The following ARID4A variants were observed in gnomAD, a reference collection of about 807,000 sequenced individuals.
ARID4A encodes AT-rich interaction domain 4A.
Under a neutral mutation model 148.6 loss-of-function variants are expected in ARID4A, and 39 were observed. That is an observed-to-expected ratio of 0.26 (90% CI 0.20 to 0.34). The LOEUF (loss-of-function observed/expected upper bound fraction) is 0.34. Ranked by LOEUF, ARID4A falls within the 10% of genes least tolerant of loss-of-function variation. The pLI is 1.00. For missense variants in ARID4A, 1,265 were observed against 1,449.1 expected (o/e 0.87, Z 2.06); for synonymous variants, 475 against 481.2 (o/e 0.99, Z 0.17).
At chr14:58,306,245 T>C in intron 5 of ARID4A, 133 bp downstream of exon 5, 1 of 603,752 alleles carries the variant, frequency 1.7e-6, no homozygotes. Flanking sequence ...TATAGCTGAC[T>C]AAAATTCTAA....
At chr14:58,305,917 T>C (rs954944746) in intron 4 of ARID4A, 105 bp from the exon 5 acceptor site, 2 of 773,052 alleles carry the variant, frequency 2.6e-6, no homozygotes, top group Non-Finnish European at 4.5e-6. Context: ...GATAGAATTA[T>C]CATAAGTATG....
At chr14:58,362,767 A>G (rs991468874) in intron 19 of ARID4A, among the ~76,000 whole-genome samples, 2 of 152,066 alleles carry the variant, frequency 1.3e-5, no homozygotes, top group African/African-American at 2.4e-5. Context: ...TATGTTAGCC[A>G]CGCTGGTCTC....
chr14:58,347,394 A>T (rs966592534), intron 14 of ARID4A, among the ~76,000 whole-genome samples: 1 of 152,164 alleles, frequency 6.6e-6, no homozygotes, highest in African/African-American at 2.4e-5. Context: ...TTTGGGGTGA[A>T]CAGCCTTCAT....
intron 8 of ARID4A, among the ~76,000 whole-genome samples, chr14:58,323,891 GTTCCCTTTTTT>G (rs1356735062): frequency 7.4e-6 from 1 of 135,338 alleles, no homozygotes; most frequent in Non-Finnish European, 1.6e-5. Flanking sequence ...ATTACCTTAG[GTTCCCTTTTTT>G]TTTTTTTTTT....
At position 58,359,959 on chromosome 14, in the gene ARID4A, G is replaced by A. The variant is rs367652848; in HGVS notation, c.1938+743G>A. On this transcript the variant is annotated intron_variant, in intron 18 of 23. Coordinates refer to ENST00000355431, the MANE Select transcript of ARID4A (RefSeq NM_002892.4). Reference sequence around the variant, plus strand: ...CCGGCGCCTGTAGTCCCAGCTACTCGGGAGGCTGAGGCAGGAGAATGGCGT... The same window carrying A: ...CCGGCGCCTGTAGTCCCAGCTACTCAGGAGGCTGAGGCAGGAGAATGGCGT... Among the ~76,000 whole-genome samples the A allele has an allele frequency of 5.6e-4, 85 of 152,180 alleles. 2 individuals are homozygous for A. In the East Asian group the frequency reaches 0.015, roughly 27 times the overall value.
chr14:58,371,899 A>G lies in ARID4A; in HGVS notation c.3684A>G (p.Gly1228=). The G allele has an allele frequency of 6.2e-7, 1 of 1,613,058 alleles. No individual in the cohort carries two copies. The highest frequency in any genetic ancestry group is 1.1e-5 in the South Asian group (1 of 90,978). ...KKKDREVSHA[G]ASMSSASSDT... Reference sequence around the variant, plus strand: ...TTGATTCCACAGTGTCTCATGCGGGAGCCTCCATGTCATCTGCTTCATCAG... The same window carrying G: ...TTGATTCCACAGTGTCTCATGCGGGGGCCTCCATGTCATCTGCTTCATCAG... The change falls in exon 24 of 24, where the codon GGA becomes GGG. Residue 1228 remains glycine, a synonymous_variant. Coordinates refer to ENST00000355431, the MANE Select transcript of ARID4A (RefSeq NM_002892.4).
intron 7 of ARID4A, among the ~76,000 whole-genome samples, chr14:58,322,268 C>A (rs2032940899): frequency 6.6e-6 from 1 of 151,980 alleles, no homozygotes; most frequent in African/African-American, 2.4e-5. Context: ...CTGCACCCAG[C>A]CGATAATGTA....
intron 22 of ARID4A, 96 bp from the exon 23 acceptor site, chr14:58,366,787 T>G: frequency 1.0e-6 from 1 of 967,476 alleles, no homozygotes; most frequent in Non-Finnish European, 1.5e-6. Context: ...AACTAAAGCT[T>G]TTGTTGATTT....
chr14:58,366,287 A>C lies in ARID4A; in HGVS notation c.3523+57A>C, dbSNP rs547192661. The C allele has an allele frequency of 5.2e-4, 666 of 1,286,848 alleles. 5 individuals are homozygous for C. The South Asian group carries it at 6.3e-3, about 12-fold the overall frequency. The allele number at this position is 1,286,848 out of a possible 1,614,324, so 79.7% of individuals were successfully genotyped here. Reference sequence around the variant, plus strand: ...ATACTGTAAAGTGGAATAGATCTTAAAATATCAACTTGGATTAATGTTAAT... The same window carrying C: ...ATACTGTAAAGTGGAATAGATCTTACAATATCAACTTGGATTAATGTTAAT... On this transcript the variant is annotated intron_variant, in intron 22 of 23. Coordinates refer to ENST00000355431, the MANE Select transcript of ARID4A (RefSeq NM_002892.4).
At chr14:58,350,380 T>A (rs756643434) in intron 15 of ARID4A, among the ~76,000 whole-genome samples, 9 of 152,150 alleles carry the variant, frequency 5.9e-5, no homozygotes, top group Non-Finnish European at 1.3e-4. Context: ...TCTGCCAGTG[T>A]ATAGAAGTTG....
chr14:58,354,413 G>C (rs1292590046), intron 17 of ARID4A, among the ~76,000 whole-genome samples: 1 of 152,064 alleles, frequency 6.6e-6, no homozygotes. Context: ...CAGGGCATGG[G>C]GGCTCTTGCA....
rs1289835925 is a variant in ARID4A at position 58,372,159 on chromosome 14, C to CA, written c.*176dup. 4 of 524,158 alleles carry CA rather than the reference C, an allele frequency of 7.6e-6. No homozygotes were observed. The highest frequency in any genetic ancestry group is 5.8e-5 in the African/African-American group (3 of 51,848). 32.5% of individuals were successfully genotyped at this position (524,158 alleles called of 1,614,324 possible). ...CCCTCTCTCTTCTTTTTTCTTGTTGCAAAAAATAAGCTGATTAATAAGTGA... is the reference window on the plus strand; with the variant it reads ...CCCTCTCTCTTCTTTTTTCTTGTTGCAAAAAAATAAGCTGATTAATAAGTGA... On this transcript the variant is annotated 3_prime_UTR_variant, in exon 24 of 24. Transcript: ENST00000355431.
At chr14:58,358,395 A>G (rs1322724175) in intron 17 of ARID4A, among the ~76,000 whole-genome samples, 1 of 152,188 alleles carries the variant, frequency 6.6e-6, no homozygotes, top group Admixed American at 6.5e-5. Flanking sequence ...TGAACCCAGG[A>G]GGCAGAGGTT....
At chr14:58,353,259 A>G (rs1447668068) in intron 16 of ARID4A, among the ~76,000 whole-genome samples, 3 of 152,196 alleles carry the variant, frequency 2.0e-5, no homozygotes, top group Non-Finnish European at 4.4e-5. Flanking sequence ...GAATTTTTTC[A>G]GAGCATATTT....
At chr14:58,334,604 C>T (rs1316511538) in intron 11 of ARID4A, among the ~76,000 whole-genome samples, 1 of 152,182 alleles carries the variant, frequency 6.6e-6, no homozygotes, top group Non-Finnish European at 1.5e-5. Context: ...ACCCACTCCA[C>T]ACAACTTCAT....
rs564775002 is a variant in ARID4A at position 58,356,802 on chromosome 14, A to C, written c.1854-2330A>C. On this transcript the variant is annotated intron_variant, in intron 17 of 23. Coordinates refer to ENST00000355431, the MANE Select transcript of ARID4A (RefSeq NM_002892.4). ...CTGCAACCTCCGCCTCCTGGGTTCA[A>C]GCGATTCTCCTGCCTCAGCCTCCCA... 2.6e-5 allele frequency among the ~76,000 whole-genome samples: 4 copies of C among 151,456 alleles called. No individual in the cohort carries two copies. The South Asian group carries it at 6.2e-4, about 24-fold the overall frequency.
At position 58,365,265 on chromosome 14, in the gene ARID4A, G is replaced by C. The variant is rs763145912; in HGVS notation, c.3176G>C (p.Ser1059Thr). The C allele has an allele frequency of 6.8e-6, 11 of 1,613,772 alleles. No individual in the cohort carries two copies. Among genetic ancestry groups the C allele is most frequent in the Non-Finnish European group, 9.3e-6 (11 of 1,179,896 alleles). ...FETNVASGTCSIIVQERESRE... is the reference protein window; with the variant it reads ...FETNVASGTCTIIVQERESRE... ...ACTAATGTTGCCTCTGGTACCTGTA[G>C]TATAATTGTACAAGAGAGAGAGAGC... Residue 1059 changes from serine (S) to threonine (T), a missense_variant, in exon 20 of 24, where the codon AGT becomes ACT. This residue lies in a region of ARID4A where 666 missense variants were observed against 730.9 expected (regional missense o/e 0.91). Transcript: ENST00000355431.
intron 5 of ARID4A, among the ~76,000 whole-genome samples, chr14:58,316,448 A>G (rs541261248): frequency 1.3e-5 from 2 of 152,350 alleles, no homozygotes; most frequent in East Asian, 3.9e-4. Context: ...ATCAGAATAC[A>G]GTCTCAAAAG....
intron 5 of ARID4A, among the ~76,000 whole-genome samples, chr14:58,316,199 T>A (rs1260763596): frequency 6.6e-6 from 1 of 152,218 alleles, no homozygotes; most frequent in East Asian, 1.9e-4. Flanking sequence ...AATGTAGAAT[T>A]TCTTTTTGTT....
Sources: gnomAD v4.1 joint callset for allele counts (sites outside exome capture counted in the v4.1 genomes callset) on GRCh38, gnomAD v4.1.1 for gene constraint, gnomAD v4.1.1 regional missense constraint, MANE v1.5 for transcripts, NCBI Gene and HGNC (gene_info 2026-07-23, HGNC 2026-07-21) for gene names.